The following SCN2A variants were observed in gnomAD, a reference collection of about 807,000 sequenced individuals.
SCN2A encodes the protein sodium channel protein type 2 subunit alpha.
A neutral mutation model predicts 188.7 loss-of-function variants in SCN2A; 20 were observed. The observed-to-expected ratio is 0.11, with a 90% CI of 0.07 to 0.15. SCN2A has a LOEUF of 0.15. Ranked by LOEUF, SCN2A falls within the 10% of genes least tolerant of loss-of-function variation. SCN2A has a pLI of 1.00. For synonymous variants in SCN2A, 804 were observed against 833.1 expected, an observed-to-expected ratio of 0.97 and a Z score of 0.60; for missense variants, 1,278 against 2,445.0, an observed-to-expected ratio of 0.52 and a Z score of 10.07.
At chr2:165,275,268 CT>C (rs1559330967) in intron 1 of SCN2A, among the ~76,000 whole-genome samples, 2 of 152,174 alleles carry the variant, frequency 1.3e-5, no homozygotes, top group Non-Finnish European at 2.9e-5. Flanking sequence ...TCCTTCAGGG[CT>C]TTTGTTAAAC....
chr2:165,377,314 A>G (rs1225628441), intron 22 of SCN2A, among the ~76,000 whole-genome samples: 2 of 152,004 alleles, frequency 1.3e-5, no homozygotes, highest in Non-Finnish European at 2.9e-5. Flanking sequence ...AACACATCAG[A>G]GTCAAAGATT....
chr2:165,379,097 C>T (rs981088821), intron 23 of SCN2A, among the ~76,000 whole-genome samples: 16 of 151,764 alleles, frequency 1.1e-4, no homozygotes, highest in African/African-American at 2.9e-4. Context: ...TGCAATTCTA[C>T]TTTGAACAAC....
intron 11 of SCN2A, among the ~76,000 whole-genome samples, chr2:165,317,823 A>G (rs1261537533): frequency 6.6e-6 from 1 of 152,166 alleles, no homozygotes; most frequent in Non-Finnish European, 1.5e-5. Flanking sequence ...ATATAAAAAT[A>G]GAGTTAAAGA....
At chr2:165,338,169 T>A (rs1699100808) in intron 14 of SCN2A, among the ~76,000 whole-genome samples, 1 of 152,236 alleles carries the variant, frequency 6.6e-6, no homozygotes, top group African/African-American at 2.4e-5. Context: ...TTTGGTTTTC[T>A]GTTGCTGTGG....
chr2:165,314,567 G>C (rs542408797), intron 10 of SCN2A, among the ~76,000 whole-genome samples: 18 of 152,264 alleles, frequency 1.2e-4, no homozygotes, highest in South Asian at 4.1e-4. Flanking sequence ...AAAGGCAAAG[G>C]CTTATTCAAT....
chr2:165,292,752 A>G (rs1045129832), intron 1 of SCN2A, among the ~76,000 whole-genome samples: 1 of 152,112 alleles, frequency 6.6e-6, no homozygotes, highest in Non-Finnish European at 1.5e-5. Context: ...TCAGATTTTG[A>G]GTTTGAATCC....
At chr2:165,241,011 A>T (rs1419622163) in intron 1 of SCN2A, 1 of 152,136 alleles carries the variant, frequency 6.6e-6, no homozygotes, top group Non-Finnish European at 1.5e-5. Flanking sequence ...CACGTACTAA[A>T]TTACAATAAG....
Position 165,291,575 on chromosome 2 carries a change from TTCTC to T in SCN2A, c.-51-4176_-51-4173del, listed in dbSNP as rs762280674. On this transcript the variant is annotated intron_variant, in intron 1 of 26. Transcript: ENST00000375437. Reference sequence around the variant, plus strand: ...TTCCTTCCTTCCTTCCTTCCTTCCTTTCTCTCTCTCTCTCTCTCTCTCTCTTTCT... The same window carrying T: ...TTCCTTCCTTCCTTCCTTCCTTCCTTTCTCTCTCTCTCTCTCTCTCTTTCT... 1.5e-3 allele frequency among the ~76,000 whole-genome samples: 104 copies of T among 70,564 alleles called. 2 individuals carry two copies. The East Asian group carries it at 0.024, about 16-fold the overall frequency. 46.3% of individuals were successfully genotyped at this position (70,564 alleles called of 152,430 possible).
chr2:165,355,994 G>C (rs1187575075), intron 17 of SCN2A, among the ~76,000 whole-genome samples: 4 of 134,800 alleles, frequency 3.0e-5, no homozygotes, highest in African/African-American at 1.1e-4. Flanking sequence ...ATGAAACTCT[G>C]TCTCAAAAAA....
At position 165,392,093 on chromosome 2, in the gene SCN2A, G is replaced by A. The variant is rs1468562554; in HGVS notation, c.*2269G>A. ...TCTATCTTTGAAATGCCATTTAAAG[G>A]TAGATTTCTATCATGTAAAAATAAT... On this transcript the variant is annotated 3_prime_UTR_variant, in exon 27 of 27. Transcript: ENST00000375437. 2 of 152,424 alleles carry A rather than the reference G, an allele frequency of 1.3e-5. No homozygotes were observed. Among genetic ancestry groups the A allele is most frequent in the African/African-American group, 4.8e-5 (2 of 41,396 alleles). 9.4% of individuals were successfully genotyped at this position (152,424 alleles called of 1,614,324 possible).
rs2105359571 is a variant in SCN2A at position 165,367,249 on chromosome 2, A to G, written c.3553A>G (p.Ser1185Gly). ...CVRKFKCCQI[S>G]IEEGKGKLWW... ...ACGGAAGTTCAAGTGTTGTCAGATA[A>G]GCATAGAAGAAGGCAAAGGGAAACT... The change falls in exon 19 of 27, where the codon AGC becomes GGC. Residue 1185 changes from serine (S) to glycine (G), a missense_variant. Physicochemically the swap from Ser to Gly is moderately conservative, Grantham distance 56 (BLOSUM62 0). Around this residue, in one of 17 missense-constraint regions of SCN2A, gnomAD observed 228 missense variants for 297.3 expected, o/e 0.77. Transcript: ENST00000375437. 1 of 1,614,164 alleles carries G rather than the reference A, an allele frequency of 6.2e-7. No homozygotes were observed. Among genetic ancestry groups the G allele is most frequent in the Non-Finnish European group, 8.5e-7 (1 of 1,180,020 alleles).
At chr2:165,258,308 T>G (rs1393853061) in intron 1 of SCN2A, among the ~76,000 whole-genome samples, 2 of 152,198 alleles carry the variant, frequency 1.3e-5, no homozygotes, top group Non-Finnish European at 2.9e-5. Flanking sequence ...GTTTTAAGTT[T>G]AAGTATTTAA....
chr2:165,370,354 G>C (rs571016627), intron 20 of SCN2A, 55 bp downstream of exon 20: 1 of 1,566,796 alleles, frequency 6.4e-7, no homozygotes, highest in African/African-American at 1.4e-5. Context: ...AATAGTTCTA[G>C]CAATGGTGCC....
intron 1 of SCN2A, among the ~76,000 whole-genome samples, chr2:165,275,919 G>C (rs1401421092): frequency 6.6e-6 from 1 of 152,068 alleles, no homozygotes; most frequent in Non-Finnish European, 1.5e-5. Flanking sequence ...ATTTTTAGTA[G>C]AGACAGGTTT....
At chr2:165,366,075 T>G (rs1700711330) in intron 18 of SCN2A, among the ~76,000 whole-genome samples, 1 of 152,218 alleles carries the variant, frequency 6.6e-6, no homozygotes. Flanking sequence ...CAGCTTCATT[T>G]TCTACATATG....
rs568357821 is a variant in SCN2A at position 165,256,091 on chromosome 2, C to T, written c.-52+16451C>T. 3.4e-5 allele frequency among the ~76,000 whole-genome samples: 5 copies of T among 144,994 alleles called. No homozygotes were observed. The East Asian group carries it at 1.1e-3, about 31-fold the overall frequency. ...CGCAGTCTCGGCTCACTACAACCTC[C>T]GCCTCCCGGGTTCAAACAATTCTCC... On this transcript the variant is annotated intron_variant, in intron 1 of 26. Transcript: ENST00000375437.
chr2:165,253,065 T>G (rs1284761785), intron 1 of SCN2A, among the ~76,000 whole-genome samples: 1 of 152,066 alleles, frequency 6.6e-6, no homozygotes, highest in Non-Finnish European at 1.5e-5. Flanking sequence ...GGGGGACATT[T>G]GTAAGTTTTG....
At chr2:165,253,664 A>G (rs1234384216) in intron 1 of SCN2A, among the ~76,000 whole-genome samples, 4 of 152,072 alleles carry the variant, frequency 2.6e-5, no homozygotes, top group Non-Finnish European at 5.9e-5. Context: ...CATCCCTTGT[A>G]GAAACTAAGT....
intron 1 of SCN2A, among the ~76,000 whole-genome samples, chr2:165,276,228 A>C (rs937019572): frequency 1.3e-5 from 2 of 152,000 alleles, no homozygotes; most frequent in Non-Finnish European, 2.9e-5. Flanking sequence ...GATATTTCAT[A>C]ATAAGGTGTA....
Sources: gnomAD v4.1 joint callset for allele counts (sites outside exome capture counted in the v4.1 genomes callset) on GRCh38, gnomAD v4.1.1 for gene constraint, gnomAD v4.1.1 regional missense constraint, MANE v1.5 for transcripts, NCBI Gene and HGNC (gene_info 2026-07-23, HGNC 2026-07-21) for gene names.